Variants in PDE10A observed in about 807,000 individuals in gnomAD.
The protein encoded by PDE10A is cAMP and cAMP-inhibited cGMP 3',5'-cyclic phosphodiesterase 10A.
Under a neutral mutation model 97.7 loss-of-function variants are expected in PDE10A, and 39 were observed. The ratio of observed to expected loss-of-function variants is 0.40; its 90% CI spans 0.31 to 0.52. The LOEUF (loss-of-function observed/expected upper bound fraction) is 0.52. Ranked by LOEUF, PDE10A falls within the 20% of genes least tolerant of loss-of-function variation. The pLI, the probability that PDE10A is intolerant of heterozygous loss-of-function variation, is 0.56. For missense variants in PDE10A, 731 were observed against 1,047.8 expected (o/e 0.70, Z 4.17); for synonymous variants, 371 against 376.8 (o/e 0.98, Z 0.18).
chr6:165,336,400 A>G (rs1305391442), intron 20 of PDE10A, among the ~76,000 whole-genome samples, 189 bp from the exon 21 acceptor site: 1 of 152,214 alleles, frequency 6.6e-6, no homozygotes, highest in Non-Finnish European at 1.5e-5. Flanking sequence ...ATGCATTAAA[A>G]TGGATTCTAG....
At position 165,418,393 on chromosome 6, in the gene PDE10A, G is replaced by T. The variant is rs1788469527; in HGVS notation, c.1796+242C>A. 6.6e-6 allele frequency among the ~76,000 whole-genome samples: 1 copy of T among 152,172 alleles called. No homozygotes were observed. The highest frequency in any genetic ancestry group is 2.4e-5 in the African/African-American group (1 of 41,444). On this transcript the variant is annotated intron_variant, in intron 11 of 21. Transcript: ENST00000539869. The surrounding 1 kb of genome is among the most constrained non-coding windows in gnomAD (Gnocchi z 4.8). ...AGTTTTTCCAACATGATTTCCAAAA[G>T]GACCGCCTCCGGAAGACGGCATTTC...
chr6:165,339,391 C>T, intron 19 of PDE10A, 33 bp from the exon 20 acceptor site: 2 of 1,194,936 alleles, frequency 1.7e-6, no homozygotes, highest in Non-Finnish European at 2.5e-6. Flanking sequence ...CATGCTTTCT[C>T]AAATTTCAAA....
intron 1 of PDE10A, among the ~76,000 whole-genome samples, chr6:165,558,403 A>G (rs1784362594): frequency 6.6e-6 from 1 of 151,352 alleles, no homozygotes; most frequent in African/African-American, 2.4e-5. Context: ...GAACTGAACA[A>G]TGAGAATACT....
At chr6:165,941,360 A>G (rs1783511537) in intron 1 of PDE10A, among the ~76,000 whole-genome samples, 1 of 152,212 alleles carries the variant, frequency 6.6e-6, no homozygotes, top group Non-Finnish European at 1.5e-5. Flanking sequence ...CTTGTTTTCA[A>G]GAGGTGGAGA....
intron 1 of PDE10A, among the ~76,000 whole-genome samples, chr6:165,675,913 A>G (rs1790781800): frequency 6.6e-6 from 1 of 152,248 alleles, no homozygotes; most frequent in South Asian, 2.1e-4. Context: ...GAACATCATT[A>G]TATCAGGAAG....
intron 1 of PDE10A, among the ~76,000 whole-genome samples, chr6:165,812,695 A>G (rs968578729): frequency 5.9e-5 from 9 of 152,212 alleles, no homozygotes; most frequent in Non-Finnish European, 1.0e-4. Context: ...GTTTGATTTT[A>G]TATGTTCTCC....
intron 1 of PDE10A, among the ~76,000 whole-genome samples, chr6:165,729,527 C>T (rs1792375878): frequency 6.6e-6 from 1 of 152,114 alleles, no homozygotes; most frequent in African/African-American, 2.4e-5. Flanking sequence ...CAAAATTCAC[C>T]CAATTTGGGC....
intron 1 of PDE10A, among the ~76,000 whole-genome samples, chr6:165,877,862 A>T (rs1484083260): frequency 2.0e-5 from 3 of 152,194 alleles, no homozygotes; most frequent in Non-Finnish European, 4.4e-5. Context: ...GGAAGGCAAG[A>T]TTATTATTTA....
At chr6:165,360,929 G>A (rs1783369067) in intron 18 of PDE10A, among the ~76,000 whole-genome samples, 1 of 152,076 alleles carries the variant, frequency 6.6e-6, no homozygotes, top group Non-Finnish European at 1.5e-5. Context: ...GCTTAATACT[G>A]GGGGGTTCAT....
chr6:165,622,799 C>CA (rs756173611), intron 1 of PDE10A, among the ~76,000 whole-genome samples: 21 of 152,186 alleles, frequency 1.4e-4, no homozygotes, highest in Non-Finnish European at 2.1e-4. Flanking sequence ...CTGCCTTTGA[C>CA]AGAGTTTGGA....
chr6:165,410,603 G>C (rs1016225968), intron 13 of PDE10A, among the ~76,000 whole-genome samples: 2 of 152,146 alleles, frequency 1.3e-5, no homozygotes, highest in Non-Finnish European at 2.9e-5. Context: ...AAAGAAGTCA[G>C]TGAGAAAGTG....
intron 1 of PDE10A, among the ~76,000 whole-genome samples, chr6:165,724,073 TA>T (rs1792231836): frequency 6.6e-6 from 1 of 152,196 alleles, no homozygotes; most frequent in Non-Finnish European, 1.5e-5. Flanking sequence ...GAGGACGGAA[TA>T]TTAGTCAGTG....
At chr6:165,754,811 A>C (rs915590317) in intron 1 of PDE10A, among the ~76,000 whole-genome samples, 5 of 152,202 alleles carry the variant, frequency 3.3e-5, no homozygotes, top group Non-Finnish European at 7.3e-5. Flanking sequence ...TAGATAAAGC[A>C]TCTAATGCAC....
chr6:165,738,618 C>T (rs1047821041), intron 1 of PDE10A, among the ~76,000 whole-genome samples: 1 of 151,784 alleles, frequency 6.6e-6, no homozygotes, highest in Non-Finnish European at 1.5e-5. Flanking sequence ...AACTAGTTTA[C>T]AGTCCCACTA....
intron 3 of PDE10A, among the ~76,000 whole-genome samples, chr6:165,462,389 A>T (rs1034394226): frequency 9.2e-5 from 14 of 152,224 alleles, no homozygotes; most frequent in Non-Finnish European, 1.9e-4. Flanking sequence ...CAAAGACAGA[A>T]GCAGAACAAC....
At chr6:165,469,398 C>T (rs1231619359) in intron 3 of PDE10A, among the ~76,000 whole-genome samples, 2 of 152,180 alleles carry the variant, frequency 1.3e-5, no homozygotes, top group African/African-American at 4.8e-5. Context: ...AGTGACGCTC[C>T]ACACGGGTTT....
At chr6:165,377,496 C>T (rs1784679518) in intron 18 of PDE10A, among the ~76,000 whole-genome samples, 1 of 151,882 alleles carries the variant, frequency 6.6e-6, no homozygotes. Context: ...AAACATGCAC[C>T]ACTACCACGT....
chr6:165,378,998 A>G (rs982163212), intron 18 of PDE10A, among the ~76,000 whole-genome samples, 196 bp downstream of exon 18: 4 of 152,222 alleles, frequency 2.6e-5, no homozygotes, highest in Non-Finnish European at 5.9e-5. Flanking sequence ...TATCCTCACT[A>G]GACATTGCCA....
chr6:165,712,661 G>T (rs530175928), intron 1 of PDE10A, among the ~76,000 whole-genome samples: 2 of 113,918 alleles, frequency 1.8e-5, no homozygotes, highest in African/African-American at 6.2e-5. Context: ...TTTTTTTGAG[G>T]TGGAGTCTCG....
Sources: gnomAD v4.1 joint callset for allele counts (sites outside exome capture counted in the v4.1 genomes callset) on GRCh38, gnomAD v4.1.1 for gene constraint, Gnocchi (gnomAD v3.1) non-coding constraint, MANE v1.5 for transcripts, NCBI Gene and HGNC (gene_info 2026-07-23, HGNC 2026-07-21) for gene names.